The following MKLN1 variants were observed in gnomAD, a reference collection of about 807,000 sequenced individuals.
MKLN1 encodes the protein muskelin.
A neutral mutation model predicts 99.0 loss-of-function variants in MKLN1; 18 were observed. The ratio of observed to expected loss-of-function variants is 0.18; its 90% CI spans 0.13 to 0.27. MKLN1 has a LOEUF of 0.27. Among genes scored for constraint, MKLN1 ranks in the 10% least tolerant of loss-of-function variants. The pLI is 1.00. For synonymous variants in MKLN1, 288 were observed against 293.2 expected (o/e 0.98, Z 0.18); for missense variants, 621 against 875.9 (o/e 0.71, Z 3.67).
Position 131,133,353 on chromosome 7 carries a change from C to CTTTTT in MKLN1, c.-418-9452_-418-9448dup, listed in dbSNP as rs1198245681. On this transcript the variant is annotated intron_variant, in intron 1 of 7. Transcript: ENST00000416992. ...TAATTTTTTTTTTCTTTCTTTCTTT[C>CTTTTT]TTTTTTTTTTTTTTTTTTTGAGATG... 2.2e-3 allele frequency among the ~76,000 whole-genome samples: 202 copies of CTTTTT among 93,620 alleles called. 1 individual carries two copies. The highest frequency in any genetic ancestry group is 8.5e-3 in the Middle Eastern group (1 of 118). The allele number at this position is 93,620 out of a possible 152,430, so 61.4% of individuals were successfully genotyped here. A position where few individuals can be genotyped will look rare whatever the true frequency, so the allele number is the denominator to read the frequency against.
chr7:131,337,627 A>G (rs893432791), intron 1 of MKLN1, among the ~76,000 whole-genome samples: 2 of 151,942 alleles, frequency 1.3e-5, no homozygotes, highest in African/African-American at 4.8e-5. Flanking sequence ...AAATTGCTTT[A>G]AAGTCTGTGT....
intron 1 of MKLN1, among the ~76,000 whole-genome samples, chr7:131,123,131 A>G (rs193289880): frequency 9.4e-4 from 143 of 151,652 alleles, no homozygotes; most frequent in Non-Finnish European, 2.9e-5. Context: ...GAGCTCTTCT[A>G]CATAATAAAA....
At chr7:131,483,580 G>GA (rs1279622887) in intron 17 of MKLN1, among the ~76,000 whole-genome samples, 5 of 152,136 alleles carry the variant, frequency 3.3e-5, no homozygotes, top group Non-Finnish European at 2.9e-5. Context: ...ACTCATACCT[G>GA]AACCAAGCTT....
intron 1 of MKLN1, among the ~76,000 whole-genome samples, chr7:131,133,353 C>CTTTTTTTTTTTTTT (rs1198245681): frequency 7.5e-5 from 7 of 93,634 alleles, no homozygotes; most frequent in African/African-American, 1.7e-4. Flanking sequence ...TTCTTTCTTT[C>CTTTTTTTTTTTTTT]TTTTTTTTTT....
chr7:131,223,755 G>A (rs1284112145), intron 3 of MKLN1, among the ~76,000 whole-genome samples: 1 of 152,032 alleles, frequency 6.6e-6, no homozygotes, highest in Non-Finnish European at 1.5e-5. Flanking sequence ...CACTGCATGT[G>A]CTTTTTTTGT....
intron 13 of MKLN1, among the ~76,000 whole-genome samples, chr7:131,463,604 A>G (rs1796579108): frequency 6.6e-6 from 1 of 152,146 alleles, no homozygotes; most frequent in South Asian, 2.1e-4. Flanking sequence ...AGAGAATTGT[A>G]TTTTAGTCTA....
chr7:131,393,466 A>G (rs1234236326), intron 4 of MKLN1, among the ~76,000 whole-genome samples: 1 of 152,222 alleles, frequency 6.6e-6, no homozygotes. Flanking sequence ...ATATATGCCC[A>G]TTGGCAAGAT....
chr7:131,142,277 G>A (rs1212121596), intron 1 of MKLN1, among the ~76,000 whole-genome samples: 1 of 152,104 alleles, frequency 6.6e-6, no homozygotes, highest in Non-Finnish European at 1.5e-5. Context: ...CAGATGTGGT[G>A]GTGTGTGCCT....
At chr7:131,429,502 C>G (rs1795459830) in intron 9 of MKLN1, among the ~76,000 whole-genome samples, 1 of 152,152 alleles carries the variant, frequency 6.6e-6, no homozygotes, top group African/African-American at 2.4e-5. Context: ...TTTATTTCTT[C>G]TGGAATATTG....
chr7:131,472,858 G>GA (rs1363794346), intron 16 of MKLN1, among the ~76,000 whole-genome samples: 1 of 148,052 alleles, frequency 6.8e-6, no homozygotes, highest in Non-Finnish European at 1.5e-5. Flanking sequence ...GGCTGAGGTA[G>GA]AATTGCATGA....
chr7:131,163,371 C>T (rs1395496253), intron 2 of MKLN1, among the ~76,000 whole-genome samples: 13 of 152,150 alleles, frequency 8.5e-5, no homozygotes, highest in Admixed American at 3.3e-4. Flanking sequence ...CACTGAGGAT[C>T]GAAGGTAGAA....
chr7:131,287,224 TCTCCATCTGG>T (rs1305337523), intron 3 of MKLN1, among the ~76,000 whole-genome samples: 1 of 152,246 alleles, frequency 6.6e-6, no homozygotes, highest in African/African-American at 2.4e-5. Context: ...TGCTGGTTAT[TCTCCATCTGG>T]CTCCTGTCCT....
chr7:131,227,495 C>CTCCTTCTT (rs796728086), intron 3 of MKLN1, among the ~76,000 whole-genome samples: 2 of 115,710 alleles, frequency 1.7e-5, no homozygotes, highest in African/African-American at 3.4e-5. Context: ...CTCTTTCTTT[C>CTCCTTCTT]TCTTTCTTTC....
intron 1 of MKLN1, among the ~76,000 whole-genome samples, chr7:131,110,525 A>C (rs986222070): frequency 7.9e-5 from 12 of 152,130 alleles, no homozygotes; most frequent in Non-Finnish European, 4.4e-5. Flanking sequence ...GCTGAGTAGG[A>C]AAAGCCAACC....
intron 2 of MKLN1, among the ~76,000 whole-genome samples, chr7:131,178,142 G>A (rs114207524): frequency 2.0e-5 from 3 of 152,108 alleles, no homozygotes; most frequent in Non-Finnish European, 4.4e-5. Flanking sequence ...TTGAGACGGA[G>A]TTTCGCTTTT....
At chr7:131,281,322 A>G (rs1798048394) in intron 3 of MKLN1, among the ~76,000 whole-genome samples, 1 of 151,274 alleles carries the variant, frequency 6.6e-6, no homozygotes, top group African/African-American at 2.4e-5. Flanking sequence ...TTGTCTTGGC[A>G]CTCTTCAGAA....
intron 9 of MKLN1, among the ~76,000 whole-genome samples, chr7:131,430,785 C>T (rs1014111843): frequency 2.6e-5 from 4 of 152,104 alleles, no homozygotes; most frequent in Admixed American, 6.5e-5. Context: ...TATTTGGGCT[C>T]GGTGTGGTGG....
intron 1 of MKLN1, among the ~76,000 whole-genome samples, chr7:131,117,242 C>G (rs1490133634): frequency 1.3e-5 from 2 of 151,816 alleles, no homozygotes; most frequent in Admixed American, 6.6e-5. Context: ...CCATCCTGGC[C>G]AACATGGTGA....
chr7:131,268,464 A>G (rs550218655), intron 3 of MKLN1, among the ~76,000 whole-genome samples: 1 of 152,312 alleles, frequency 6.6e-6, no homozygotes, highest in East Asian at 1.9e-4. Flanking sequence ...AAGGTCCAAT[A>G]CGGATTGGTA....
Sources: allele counts gnomAD v4.1 joint callset (sites outside exome capture counted in the v4.1 genomes callset), GRCh38; gene constraint gnomAD v4.1.1; transcripts MANE v1.5; gene names NCBI Gene and HGNC (gene_info 2026-07-23, HGNC 2026-07-21).